Variants in ADD3 observed in about 807,000 individuals in gnomAD.
ADD3 encodes gamma-adducin.
ADD3 carries 25 observed loss-of-function variants against 80.2 expected under a neutral mutation model. That is an observed-to-expected ratio of 0.31 (90% confidence interval 0.23 to 0.44). ADD3 has a LOEUF of 0.44. Among genes scored for constraint, ADD3 ranks in the 20% least tolerant of loss-of-function variants. ADD3 has a pLI of 1.00. For synonymous variants in ADD3, 284 were observed against 289.6 expected (o/e 0.98, Z 0.20); for missense variants, 829 against 847.5 (o/e 0.98, Z 0.27).
chr10:110,035,620 G>A (rs986697957), intron 1 of ADD3, among the ~76,000 whole-genome samples: 1 of 152,134 alleles, frequency 6.6e-6, no homozygotes, highest in Non-Finnish European at 1.5e-5. Flanking sequence ...AATCCTTTTA[G>A]ACTAGTGGTA....
chr10:110,109,483 CT>C (rs939292051), intron 2 of ADD3, among the ~76,000 whole-genome samples: 2 of 151,906 alleles, frequency 1.3e-5, no homozygotes, highest in Non-Finnish European at 2.9e-5. Flanking sequence ...TAAATTTTTC[CT>C]GGAAGAACAT....
chr10:110,129,194 G>C (rs1233745435), intron 12 of ADD3, among the ~76,000 whole-genome samples: 1 of 147,200 alleles, frequency 6.8e-6, no homozygotes. Context: ...TTGTTGCCCA[G>C]GCTGGAGCGC....
intron 1 of ADD3, among the ~76,000 whole-genome samples, chr10:110,063,735 CAT>C (rs1491131739): frequency 2.3e-4 from 12 of 52,022 alleles, no homozygotes; most frequent in African/African-American, 8.2e-4. Flanking sequence ...TATATATATT[CAT>C]TATATATATA....
chr10:109,998,846 C>A (rs942662618), intron 1 of ADD3, among the ~76,000 whole-genome samples: 6 of 152,170 alleles, frequency 3.9e-5, no homozygotes, highest in African/African-American at 9.7e-5. Context: ...ACCCCTCCCC[C>A]ACCCTAGTCA....
intron 1 of ADD3, among the ~76,000 whole-genome samples, chr10:110,010,097 A>G (rs1852158725): frequency 6.6e-6 from 1 of 152,156 alleles, no homozygotes; most frequent in African/African-American, 2.4e-5. Context: ...AATTATGTTT[A>G]AAGTGTAGAT....
At chr10:110,057,242 A>G (rs985010568) in intron 1 of ADD3, among the ~76,000 whole-genome samples, 1 of 152,182 alleles carries the variant, frequency 6.6e-6, no homozygotes, top group African/African-American at 2.4e-5. Context: ...TGAATATATT[A>G]TATTGTTACT....
chr10:110,040,955 T>TCTCTCTCTCTCTCTCTCTCG (rs1564879738), intron 1 of ADD3, among the ~76,000 whole-genome samples: 2 of 27,132 alleles, frequency 7.4e-5, no homozygotes, highest in Non-Finnish European at 1.4e-4. Context: ...GCTCTCTCTG[T>TCTCTCTCTCTCTCTCTCTCG]CTCTCTCTGT....
chr10:110,070,856 C>T (rs1844590787), intron 1 of ADD3, among the ~76,000 whole-genome samples: 1 of 151,692 alleles, frequency 6.6e-6, no homozygotes, highest in Admixed American at 6.6e-5. Flanking sequence ...TGGGATGTGG[C>T]TCTTGTCATA....
At position 110,112,830 on chromosome 10, in the gene ADD3, C is replaced by G; in HGVS notation, c.249C>G (p.His83Gln). The change falls in exon 3 of 15, where the codon CAC becomes CAG. Residue 83 changes from histidine to glutamine, a missense_variant. Transcript: ENST00000356080. ...TTCAAGAACAGATGAAGAAAGGCCACAACCCAACTGGATTACTAGCATTAC... is the reference window on the plus strand; with the variant it reads ...TTCAAGAACAGATGAAGAAAGGCCAGAACCCAACTGGATTACTAGCATTAC... ...CLIQEQMKKG[H>Q]NPTGLLALQQ... 1.2e-6 allele frequency: 2 copies of G among 1,614,112 alleles called. No homozygotes were observed. The highest frequency in any genetic ancestry group is 1.7e-6 in the Non-Finnish European group (2 of 1,179,984).
intron 1 of ADD3, among the ~76,000 whole-genome samples, chr10:110,064,681 C>A (rs1469517544): frequency 2.0e-5 from 3 of 152,074 alleles, no homozygotes; most frequent in Non-Finnish European, 4.4e-5. Context: ...TTCTTAAAAT[C>A]CAAAGTTAAT....
chr10:110,066,651 C>T (rs1289636780), intron 1 of ADD3, among the ~76,000 whole-genome samples: 8 of 152,094 alleles, frequency 5.3e-5, no homozygotes, highest in African/African-American at 4.8e-5. Context: ...GTGGGGTTCT[C>T]TGTAACTCCC....
intron 1 of ADD3, among the ~76,000 whole-genome samples, chr10:110,090,647 A>G (rs1006959505): frequency 1.3e-5 from 2 of 152,236 alleles, no homozygotes; most frequent in Admixed American, 6.5e-5. Context: ...CCAAGAGTTT[A>G]TATTAATTCA....
At chr10:110,130,057 A>AC (rs1852749693) in intron 12 of ADD3, among the ~76,000 whole-genome samples, 4 of 152,134 alleles carry the variant, frequency 2.6e-5, no homozygotes, top group African/African-American at 9.7e-5. Context: ...GTTTTTTTCA[A>AC]GTTTTTTTTA....
intron 1 of ADD3, among the ~76,000 whole-genome samples, chr10:110,070,980 T>C (rs1470386147): frequency 6.1e-5 from 1 of 16,324 alleles, no homozygotes; most frequent in Non-Finnish European, 9.5e-5. Flanking sequence ...TTTGTTGTTT[T>C]TGGGGGGGGG....
intron 1 of ADD3, 96 bp from the exon 2 acceptor site, chr10:110,100,529 C>A: frequency 1.3e-6 from 1 of 741,120 alleles, no homozygotes; most frequent in Non-Finnish European, 2.0e-6. Flanking sequence ...CACCTGTTAA[C>A]TCTGAGGGCA....
intron 1 of ADD3, among the ~76,000 whole-genome samples, chr10:110,083,795 T>C (rs985930814): frequency 1.3e-5 from 2 of 152,170 alleles, no homozygotes; most frequent in African/African-American, 4.8e-5. Context: ...TGTGCTTCTT[T>C]GTTGCAACCA....
At chr10:110,125,765 A>C in intron 10 of ADD3, 61 bp from the exon 11 acceptor site, 1 of 1,335,394 alleles carries the variant, frequency 7.5e-7, no homozygotes, top group African/African-American at 1.5e-5. Flanking sequence ...GCAGTTATCT[A>C]ACAATCTACT....
intron 3 of ADD3, among the ~76,000 whole-genome samples, chr10:110,115,780 AGAGACCTTC>A (rs1482409725): frequency 6.6e-6 from 1 of 152,254 alleles, no homozygotes; most frequent in Non-Finnish European, 1.5e-5. Context: ...TTAGATCATT[AGAGACCTTC>A]AAGACCTTCA....
chr10:110,079,503 A>T (rs985507850), intron 1 of ADD3, among the ~76,000 whole-genome samples: 2 of 123,578 alleles, frequency 1.6e-5, no homozygotes, highest in Admixed American at 8.3e-5. Context: ...TGTGTGTGTG[A>T]TCTACCTGAA....
Sources: gnomAD v4.1 joint callset for allele counts (sites outside exome capture counted in the v4.1 genomes callset) on GRCh38, gnomAD v4.1.1 for gene constraint, MANE v1.5 for transcripts, NCBI Gene and HGNC (gene_info 2026-07-23, HGNC 2026-07-21) for gene names.